SYNPR: variants seen among roughly 807,000 people sequenced by gnomAD.
SYNPR encodes the protein synaptoporin.
Under a neutral mutation model 32.9 loss-of-function variants are expected in SYNPR, and 23 were observed. The ratio of observed to expected loss-of-function variants is 0.70; its 90% CI spans 0.50 to 0.99. The LOEUF is 0.99. Ranked by LOEUF, SYNPR falls within the 50% of genes least tolerant of loss-of-function variation. The pLI is 0.00. For missense variants in SYNPR, 318 were observed against 349.3 expected, an observed-to-expected ratio of 0.91 and a Z score of 0.71; for synonymous variants, 146 against 135.9, an observed-to-expected ratio of 1.07 and a Z score of -0.52.
chr3:63,285,828 C>T (rs1389236654), intron 2 of SYNPR, among the ~76,000 whole-genome samples: 5 of 152,102 alleles, frequency 3.3e-5, no homozygotes, highest in Non-Finnish European at 7.4e-5. Context: ...AATAATAGTT[C>T]CTACTTCAAA....
At chr3:63,325,427 GC>G (rs1021961104) in intron 2 of SYNPR, among the ~76,000 whole-genome samples, 1 of 152,138 alleles carries the variant, frequency 6.6e-6, no homozygotes, top group African/African-American at 2.4e-5. Context: ...GTCCGATGCA[GC>G]ATGTGTTAGT....
At chr3:63,526,124 T>C (rs1191211917) in intron 3 of SYNPR, among the ~76,000 whole-genome samples, 1 of 152,226 alleles carries the variant, frequency 6.6e-6, no homozygotes, top group Non-Finnish European at 1.5e-5. Context: ...CCAGCCATTC[T>C]TGAAGGATCT....
chr3:63,393,923 T>C lies in SYNPR; in HGVS notation c.85-86909T>C, dbSNP rs997293893. 3.3e-5 allele frequency among the ~76,000 whole-genome samples: 5 copies of C among 152,340 alleles called. 1 individual carries two copies. Among genetic ancestry groups the C allele is most frequent in the African/African-American group, 9.6e-5 (4 of 41,572 alleles). On this transcript the variant is annotated intron_variant, in intron 2 of 5. Coordinates refer to ENST00000478300, the MANE Select transcript of SYNPR (RefSeq NM_001130003.2). The stretch of plus-strand genomic sequence containing the variant: ...GGAGAGACATTTCTGTTTATATCTT[T>C]TGTCTACTGAACATTTTCTTTTTGT...
upstream of SYNPR, among the ~76,000 whole-genome samples, chr3:63,224,896 C>A (rs903737629): frequency 9.2e-5 from 14 of 152,184 alleles, no homozygotes; most frequent in African/African-American, 3.1e-4. Context: ...ATAGCATATT[C>A]CCTCTTGTGC....
Position 63,299,817 on chromosome 3 carries a change from A to T in SYNPR, c.84+21075A>T, listed in dbSNP as rs191276673. Among the ~76,000 whole-genome samples the T allele has an allele frequency of 1.1e-3, 161 of 152,262 alleles. 1 individual carries two copies. Among genetic ancestry groups the T allele is most frequent in the African/African-American group, 3.6e-3 (151 of 41,566 alleles). ...GTAATCAATGCTGACTCACAAACTC[A>T]CAGAAGAGTGATGATAGTAGTTTCA... is the stretch of plus-strand genomic sequence containing the variant. On this transcript the variant is annotated intron_variant, in intron 2 of 5. Transcript: ENST00000478300.
intron 4 of SYNPR, among the ~76,000 whole-genome samples, chr3:63,560,095 A>G (rs1450242348): frequency 1.3e-5 from 2 of 152,278 alleles, no homozygotes; most frequent in Admixed American, 6.5e-5. Flanking sequence ...CCTGAATTGT[A>G]TAATACAATG....
chr3:63,221,052 A>G, the SYNPR span, among the ~76,000 whole-genome samples: 1 of 152,202 alleles, frequency 6.6e-6, no homozygotes, highest in East Asian at 1.9e-4. Context: ...GAGCATGGGA[A>G]AGTCAGAGAG....
chr3:63,615,327 T>C lies in SYNPR; in HGVS notation c.704T>C (p.Met235Thr), dbSNP rs371056348. 2 of 1,613,924 alleles carry C rather than the reference T, an allele frequency of 1.2e-6. No individual in the cohort carries two copies. Among genetic ancestry groups the C allele is most frequent in the South Asian group, 1.1e-5 (1 of 91,070 alleles). The change falls in exon 6 of 6, where the codon ATG (methionine) becomes ACG (threonine). Residue 235 changes from methionine to threonine, a missense_variant. Transcript: ENST00000478300. ...GGACAGAGATATCTTTCAGATCCAA[T>C]GGAGAAGCACTCCAGCAGCTATAAT... ...SSGQRYLSDP[M>T]EKHSSSYNQG... is the part of the protein sequence containing the mutation.
intron 3 of SYNPR, among the ~76,000 whole-genome samples, chr3:63,269,027 C>G (rs2086513083): frequency 6.6e-6 from 1 of 152,054 alleles, no homozygotes; most frequent in African/African-American, 2.4e-5. Flanking sequence ...TTAAGTATCC[C>G]TCATATTTAT....
chr3:63,500,212 C>G (rs1701453549), intron 3 of SYNPR, among the ~76,000 whole-genome samples: 2 of 152,162 alleles, frequency 1.3e-5, no homozygotes, highest in African/African-American at 2.4e-5. Context: ...GAAATGCACA[C>G]TTTACCCCAT....
chr3:63,435,915 C>T (rs541623847), intron 2 of SYNPR, among the ~76,000 whole-genome samples: 12 of 152,172 alleles, frequency 7.9e-5, no homozygotes, highest in Admixed American at 6.5e-4. Flanking sequence ...TATTTATATA[C>T]CAGGCCCGTA....
chr3:63,611,325 C>T (rs866013906), intron 5 of SYNPR, among the ~76,000 whole-genome samples: 22 of 152,144 alleles, frequency 1.4e-4, no homozygotes, highest in Non-Finnish European at 2.5e-4. Context: ...TTGCTCTGCT[C>T]AAAATGCAAA....
Position 63,376,145 on chromosome 3 carries a change from C to T in SYNPR, c.84+97403C>T, listed in dbSNP as rs554854098. Among the ~76,000 whole-genome samples, 24 of 152,278 alleles carry T rather than the reference C, an allele frequency of 1.6e-4. No individual in the cohort carries two copies. In the South Asian group the frequency reaches 4.8e-3, roughly 30 times the overall value. On this transcript the variant is annotated intron_variant, in intron 2 of 5. Transcript: ENST00000478300. ...TTCTCTGTGTGTTCACTATTCTCAT[C>T]CTAGCCCAAACCATTGCCATCTCTC...
chr3:63,265,771 T>C (rs1041587928), intron 2 of SYNPR, among the ~76,000 whole-genome samples: 10 of 152,226 alleles, frequency 6.6e-5, no homozygotes, highest in Non-Finnish European at 1.3e-4. Context: ...CCATGTGGGC[T>C]GTGAATATCA....
chr3:63,273,509 A>G (rs934676052), upstream of SYNPR, among the ~76,000 whole-genome samples: 2 of 152,132 alleles, frequency 1.3e-5, no homozygotes, highest in African/African-American at 4.8e-5. Flanking sequence ...TACTGTTGCT[A>G]TTATTATTCT....
intron 3 of SYNPR, among the ~76,000 whole-genome samples, chr3:63,498,003 A>T (rs1034117273): frequency 1.3e-5 from 2 of 152,176 alleles, no homozygotes; most frequent in African/African-American, 4.8e-5. Context: ...AAAAAAAAGT[A>T]CACTCAGCTC....
At chr3:63,250,442 GCT>G (rs1483407884) in intron 1 of SYNPR, among the ~76,000 whole-genome samples, 2 of 152,118 alleles carry the variant, frequency 1.3e-5, no homozygotes, top group African/African-American at 4.8e-5. Flanking sequence ...TGAAGTGCCT[GCT>G]ATATACCAGG....
At chr3:63,585,095 A>G (rs1038565482) in intron 4 of SYNPR, among the ~76,000 whole-genome samples, 3 of 152,116 alleles carry the variant, frequency 2.0e-5, no homozygotes, top group African/African-American at 7.2e-5. Flanking sequence ...TTTACAAAAG[A>G]ATAATTCTGG....
At chr3:63,360,330 A>C (rs6445339) in intron 2 of SYNPR, among the ~76,000 whole-genome samples, 126,594 of 152,116 alleles carry the variant, frequency 0.83, 52,780 homozygotes, top group East Asian at 0.97. Context: ...CCCACAATGG[A>C]CTGCCAACCA....
Sources: allele counts gnomAD v4.1 joint callset (sites outside exome capture counted in the v4.1 genomes callset), GRCh38; gene constraint gnomAD v4.1.1; transcripts MANE v1.5; gene names NCBI Gene and HGNC (gene_info 2026-07-23, HGNC 2026-07-21).